SYNGR4: variants seen among roughly 807,000 people sequenced by gnomAD.
The protein encoded by SYNGR4 is synaptogyrin 4.
A neutral mutation model predicts 15.5 loss-of-function variants in SYNGR4; 15 were observed. The ratio of observed to expected loss-of-function variants is 0.97; its 90% CI spans 0.65 to 1.49. The LOEUF is 1.49. SYNGR4 is among the 40% of genes most tolerant of loss of function. The pLI, the probability that SYNGR4 is intolerant of heterozygous loss-of-function variation, is 0.00. For synonymous variants in SYNGR4, 121 were observed against 127.4 expected (o/e 0.95, Z 0.34); for missense variants, 292 against 299.3 (o/e 0.98, Z 0.18).
chr19:48,376,234 C>T lies in SYNGR4; in HGVS notation c.621C>T (p.Asn207=). Residue 207 remains asparagine (N), a synonymous_variant, in exon 5 of 5, where the codon AAC becomes AAT. Transcript: ENST00000344846. ...TGAACATGCCCACCACTGGCCCCAACAGCCTGAGTTATGCTAGCTCTGCCC... is the reference window on the plus strand; with the variant it reads ...TGAACATGCCCACCACTGGCCCCAATAGCCTGAGTTATGCTAGCTCTGCCC... ...SPVNMPTTGP[N]SLSYASSALS... 5 of 1,614,156 alleles carry T rather than the reference C, an allele frequency of 3.1e-6. No individual in the cohort carries two copies. In the South Asian group the frequency reaches 4.4e-5, roughly 14 times the overall value.
chr19:48,370,684 C>G (rs1240922184), intron 2 of SYNGR4, among the ~76,000 whole-genome samples: 2 of 152,088 alleles, frequency 1.3e-5, no homozygotes, highest in Non-Finnish European at 2.9e-5. Flanking sequence ...CTTAACCTCC[C>G]AAAGCACTGG....
intron 2 of SYNGR4, among the ~76,000 whole-genome samples, chr19:48,370,495 AAGAG>A (rs761645878): frequency 2.0e-5 from 3 of 151,974 alleles, no homozygotes; most frequent in Non-Finnish European, 4.4e-5. Flanking sequence ...AAAAAGAAAA[AAGAG>A]AGAGAGAGTC....
intron 2 of SYNGR4, 24 bp from the exon 3 acceptor site, chr19:48,373,493 T>G (rs1266622487): frequency 6.2e-7 from 1 of 1,604,750 alleles, no homozygotes; most frequent in East Asian, 2.2e-5. Context: ...ACTGAGCTCT[T>G]CTCTGGCCCC....
intron 2 of SYNGR4, among the ~76,000 whole-genome samples, chr19:48,368,969 C>T (rs1164715961): frequency 2.6e-5 from 4 of 152,204 alleles, no homozygotes; most frequent in African/African-American, 7.2e-5. Flanking sequence ...CGGATCCACC[C>T]ACCTATCTGG....
rs117580897 is a variant in SYNGR4, at chr19:48,364,375, G to T, written c.-270G>T. 1,377 of 160,540 alleles carry T rather than the reference G, an allele frequency of 8.6e-3. 44 individuals are homozygous for T. The highest frequency in any genetic ancestry group is 4.7e-3 in the Non-Finnish European group (342 of 72,924). 9.9% of individuals were successfully genotyped at this position (160,540 alleles called of 1,614,324 possible). On this transcript the variant is annotated 5_prime_UTR_variant, in exon 1 of 5. Coordinates refer to ENST00000344846, the MANE Select transcript of SYNGR4 (RefSeq NM_012451.4). ...GGAACCAAAAGAAGGCTGAGGTGGCGCTAGGGACCAGGAGGGGTGGGGGTG... is the reference window on the plus strand; with the variant it reads ...GGAACCAAAAGAAGGCTGAGGTGGCTCTAGGGACCAGGAGGGGTGGGGGTG...
intron 2 of SYNGR4, among the ~76,000 whole-genome samples, chr19:48,370,622 C>A (rs928931675): frequency 6.6e-6 from 1 of 152,002 alleles, no homozygotes; most frequent in Non-Finnish European, 1.5e-5. Context: ...TGCAGTGGTG[C>A]GATCACAGCT....
intron 2 of SYNGR4, chr19:48,373,065 T>G (rs980938629): frequency 2.4e-5 from 4 of 166,234 alleles, no homozygotes; most frequent in Non-Finnish European, 3.9e-5. Context: ...AGAAGGAGAG[T>G]GTGGGGGAGG....
chr19:48,373,127 C>G (rs1272354388), intron 2 of SYNGR4: 1 of 213,718 alleles, frequency 4.7e-6, no homozygotes, highest in Non-Finnish European at 9.7e-6. Context: ...AGCGGAGACT[C>G]TGCAGGGCCT....
intron 2 of SYNGR4, among the ~76,000 whole-genome samples, chr19:48,372,399 A>G (rs2147407751): frequency 6.6e-6 from 1 of 151,998 alleles, no homozygotes; most frequent in South Asian, 2.1e-4. Flanking sequence ...TAATCCCAGC[A>G]CTTTGGGAGG....
At chr19:48,371,707 A>T (rs1970310167) in intron 2 of SYNGR4, among the ~76,000 whole-genome samples, 2 of 150,918 alleles carry the variant, frequency 1.3e-5, no homozygotes, top group South Asian at 4.2e-4. Flanking sequence ...CCCCCCAAGT[A>T]CTTGGGACTA....
rs545892705 is a variant in SYNGR4, at chr19:48,368,756, G to A, written c.93+2821G>A. The stretch of plus-strand genomic sequence containing the variant: ...CCTAGGATGATTGAGATTTGTGTCC[G>A]TTGTCCTCCCCCAGGGAAAGAGGGG... On this transcript the variant is annotated intron_variant, in intron 2 of 4. Coordinates refer to ENST00000344846, the MANE Select transcript of SYNGR4 (RefSeq NM_012451.4). 5.3e-5 allele frequency among the ~76,000 whole-genome samples: 8 copies of A among 152,302 alleles called. No homozygotes were observed. The East Asian group carries it at 7.7e-4, about 15-fold the overall frequency.
Position 48,373,214 on chromosome 19 carries a change from G to C in SYNGR4, c.94-303G>C, listed in dbSNP as rs1970336894. ...TGAGGGGCTGTGGCAGGGAGGGGCA[G>C]GGTGTGGAAAGACTCCCCTGGGGCC... On this transcript the variant is annotated intron_variant, in intron 2 of 4. Coordinates refer to ENST00000344846, the MANE Select transcript of SYNGR4 (RefSeq NM_012451.4). 1.3e-5 allele frequency: 5 copies of C among 384,310 alleles called. No individual in the cohort carries two copies. The South Asian group carries it at 1.5e-4, about 11-fold the overall frequency. The allele number at this position is 384,310 out of a possible 1,614,324, so 23.8% of individuals were successfully genotyped here. A position where few individuals can be genotyped will look rare whatever the true frequency, so the allele number is the denominator to read the frequency against.
At chr19:48,373,919 C>T (rs1347880101) in intron 3 of SYNGR4, among the ~76,000 whole-genome samples, 165 bp downstream of exon 3, 2 of 152,176 alleles carry the variant, frequency 1.3e-5, no homozygotes, top group Non-Finnish European at 2.9e-5. Context: ...GAGCTTCTCA[C>T]TGTGCCTGGC....
chr19:48,371,276 C>A (rs1178612484), intron 2 of SYNGR4, among the ~76,000 whole-genome samples: 1 of 152,186 alleles, frequency 6.6e-6, no homozygotes, highest in African/African-American at 2.4e-5. Flanking sequence ...TCAGAACTCA[C>A]CTGAAATCCA....
intron 4 of SYNGR4, 55 bp downstream of exon 4, chr19:48,375,807 G>A: frequency 6.3e-7 from 1 of 1,585,516 alleles, no homozygotes; most frequent in Non-Finnish European, 8.6e-7. Context: ...CTGCAGGGTG[G>A]GGTTGAAAGG....
chr19:48,371,728 C>T (rs1022895740), intron 2 of SYNGR4, among the ~76,000 whole-genome samples: 1 of 151,860 alleles, frequency 6.6e-6, no homozygotes, highest in Admixed American at 6.6e-5. Flanking sequence ...CGGGTGCATG[C>T]CACCACACTG....
At chr19:48,375,912 C>T in intron 4 of SYNGR4, 160 bp downstream of exon 4, 1 of 1,511,734 alleles carries the variant, frequency 6.6e-7, no homozygotes, top group African/African-American at 1.4e-5. Context: ...GCCGCTTCCT[C>T]TGAGCAGCCA....
Position 48,376,128 on chromosome 19 carries a change from C to G in SYNGR4, c.515C>G (p.Ala172Gly). 2.5e-6 allele frequency: 4 copies of G among 1,614,102 alleles called. No homozygotes were observed. The highest frequency in any genetic ancestry group is 3.4e-6 in the Non-Finnish European group (4 of 1,180,004). Residue 172 changes from alanine (A) to glycine (G), a missense_variant, in exon 5 of 5, where the codon GCT (alanine) becomes GGT (glycine). Coordinates refer to ENST00000344846, the MANE Select transcript of SYNGR4 (RefSeq NM_012451.4). ...YLAFQDLRNDAPVPYKRFLDE... is the reference protein window; with the variant it reads ...YLAFQDLRNDGPVPYKRFLDE... ...GCATTCCAGGACCTCCGAAATGATG[C>G]TCCAGTCCCTTACAAGCGCTTCCTG... is the stretch of plus-strand genomic sequence containing the variant.
At chr19:48,372,735 A>C (rs959888767) in intron 2 of SYNGR4, among the ~76,000 whole-genome samples, 1 of 152,168 alleles carries the variant, frequency 6.6e-6, no homozygotes, top group Admixed American at 6.5e-5. Flanking sequence ...CCAAAAAACA[A>C]GGCAAAATGT....
Sources: allele counts gnomAD v4.1 joint callset (sites outside exome capture counted in the v4.1 genomes callset), GRCh38; gene constraint gnomAD v4.1.1; transcripts MANE v1.5; gene names NCBI Gene and HGNC (gene_info 2026-07-23, HGNC 2026-07-21).